IL1RN: variants seen among roughly 807,000 people sequenced by gnomAD.
The protein encoded by IL1RN is interleukin 1 receptor antagonist, also known as interleukin-1 receptor antagonist protein.
Under a neutral mutation model 13.7 loss-of-function variants are expected in IL1RN, and 10 were observed. The observed-to-expected ratio is 0.73, with a 90% CI of 0.45 to 1.24. The LOEUF is 1.24. Among genes scored for constraint, IL1RN ranks in the 50% most tolerant of loss-of-function variants. The pLI, the probability that IL1RN is intolerant of heterozygous loss-of-function variation, is 0.00. For missense variants in IL1RN, 213 were observed against 222.1 expected, an observed-to-expected ratio of 0.96 and a Z score of 0.26; for synonymous variants, 102 against 82.7, an observed-to-expected ratio of 1.23 and a Z score of -1.27.
upstream of IL1RN, among the ~76,000 whole-genome samples, chr2:113,103,909 G>C (rs1483506450): frequency 1.3e-5 from 2 of 151,932 alleles, no homozygotes; most frequent in Non-Finnish European, 2.9e-5. Flanking sequence ...GGAGAAAGTA[G>C]GTAATATTCA....
upstream of IL1RN, among the ~76,000 whole-genome samples, chr2:113,107,972 T>C (rs1265260457): frequency 6.6e-6 from 1 of 152,214 alleles, no homozygotes; most frequent in East Asian, 1.9e-4. Context: ...TATATTAGTT[T>C]CTTATTAGTT....
chr2:113,099,969 C>A, the IL1RN span, among the ~76,000 whole-genome samples: 3 of 138,468 alleles, frequency 2.2e-5, no homozygotes, highest in East Asian at 6.6e-4. Flanking sequence ...CTCCTGACCT[C>A]GTGATCCGCC....
upstream of IL1RN, among the ~76,000 whole-genome samples, chr2:113,116,523 G>A (rs765551229): frequency 2.6e-5 from 4 of 152,094 alleles, no homozygotes; most frequent in African/African-American, 9.7e-5. Flanking sequence ...TCCTGTGGCC[G>A]GCTCCCTGCC....
At chr2:113,099,723 C>CTTTTTTTTTTT in the IL1RN span, among the ~76,000 whole-genome samples, 45 of 72,162 alleles carry the variant, frequency 6.2e-4, 4 homozygotes, top group South Asian at 2.2e-3. Context: ...CCTCTTCTTT[C>CTTTTTTTTTTT]TTTTCTTTTT....
chr2:113,118,315 G>C (rs4252038), intron 1 of IL1RN, among the ~76,000 whole-genome samples: 2 of 152,146 alleles, frequency 1.3e-5, no homozygotes, highest in Non-Finnish European at 2.9e-5. Flanking sequence ...GGAGTGTGAG[G>C]GTCATTTTCC....
At chr2:113,109,778 C>T (rs115275888), upstream of IL1RN, among the ~76,000 whole-genome samples, 2,998 of 141,642 alleles carry the variant, frequency 0.021, 116 homozygotes, top group African/African-American at 0.072. Flanking sequence ...AAAAAAAAAA[C>T]CTCAGCATAT....
intron 2 of IL1RN, among the ~76,000 whole-genome samples, chr2:113,122,207 C>T (rs761535486): frequency 6.6e-6 from 1 of 152,144 alleles, no homozygotes; most frequent in African/African-American, 2.4e-5. Flanking sequence ...AATGCAGTTC[C>T]AGGAGGCCCA....
intron 2 of IL1RN, among the ~76,000 whole-genome samples, chr2:113,121,982 A>C (rs186212321): frequency 6.6e-6 from 1 of 152,364 alleles, no homozygotes; most frequent in Admixed American, 6.5e-5. Context: ...ATGACTGGGA[A>C]AGAGCAACTG....
chr2:113,102,743 T>G, upstream of IL1RN, among the ~76,000 whole-genome samples: 1 of 150,852 alleles, frequency 6.6e-6, no homozygotes, highest in African/African-American at 2.4e-5. Context: ...AGGTGCTCAG[T>G]GGGGGAGGTT....
chr2:113,108,786 A>G (rs1216320500), upstream of IL1RN, among the ~76,000 whole-genome samples: 1 of 152,236 alleles, frequency 6.6e-6, no homozygotes, highest in Non-Finnish European at 1.5e-5. Flanking sequence ...TCTTTGAAAA[A>G]TAAGTCGAAA....
intron 1 of IL1RN, among the ~76,000 whole-genome samples, chr2:113,112,641 C>G (rs1360331872): frequency 5.3e-5 from 8 of 152,204 alleles, no homozygotes; most frequent in Non-Finnish European, 1.2e-4. Flanking sequence ...GGCTTCTCAC[C>G]GTTCCTCTTC....
intron 1 of IL1RN, among the ~76,000 whole-genome samples, chr2:113,112,466 C>T (rs963365545): frequency 6.6e-6 from 1 of 152,160 alleles, no homozygotes; most frequent in Admixed American, 6.5e-5. Context: ...AACTCTGCCC[C>T]AAGCCTGAGG....
chr2:113,111,800 A>G (rs1223788394), intron 1 of IL1RN, among the ~76,000 whole-genome samples: 1 of 152,282 alleles, frequency 6.6e-6, no homozygotes, highest in Non-Finnish European at 1.5e-5. Flanking sequence ...CTTCGTGTGC[A>G]CACACAAAAA....
At chr2:113,112,118 A>G (rs1231246085) in intron 1 of IL1RN, among the ~76,000 whole-genome samples, 1 of 152,250 alleles carries the variant, frequency 6.6e-6, no homozygotes, top group South Asian at 2.1e-4. Flanking sequence ...CAGTCTCTCC[A>G]GGAATTCTGA....
upstream of IL1RN, among the ~76,000 whole-genome samples, chr2:113,110,291 A>C (rs547952943): frequency 3.3e-5 from 5 of 152,320 alleles, no homozygotes; most frequent in Admixed American, 3.3e-4. Flanking sequence ...TCTGGGGTTT[A>C]TGGGAATATT....
chr2:113,100,482 C>T, the IL1RN span, among the ~76,000 whole-genome samples: 10 of 152,240 alleles, frequency 6.6e-5, no homozygotes, highest in African/African-American at 2.2e-4. Context: ...AGCACTGGTC[C>T]CTTATGGAGA....
At chr2:113,099,754 A>G in the IL1RN span, among the ~76,000 whole-genome samples, 8 of 18,338 alleles carry the variant, frequency 4.4e-4, no homozygotes, top group Non-Finnish European at 1.3e-3. Flanking sequence ...TTTTTTTTTG[A>G]GACGGAGTCT....
chr2:113,105,777 A>G (rs2104418551), upstream of IL1RN, among the ~76,000 whole-genome samples: 1 of 152,368 alleles, frequency 6.6e-6, no homozygotes, highest in Admixed American at 6.5e-5. Context: ...CTTTTAACAC[A>G]TTGAGGTTAC....
upstream of IL1RN, chr2:113,112,919 T>C (rs1229717382): frequency 1.3e-5 from 2 of 152,254 alleles, no homozygotes; most frequent in Admixed American, 6.5e-5. Context: ...TCTTTTGTTA[T>C]GGTTGTTTGT....
Sources: allele counts gnomAD v4.1 joint callset (sites outside exome capture counted in the v4.1 genomes callset), GRCh38; gene constraint gnomAD v4.1.1; transcripts MANE v1.5; gene names NCBI Gene and HGNC (gene_info 2026-07-23, HGNC 2026-07-21).